Variants in PVALB observed in about 807,000 individuals in gnomAD.
PVALB encodes parvalbumin.
PVALB carries 11 observed loss-of-function variants against 10.9 expected under a neutral mutation model. That is an observed-to-expected ratio of 1.01 (90% CI 0.63 to 1.67). PVALB has a LOEUF of 1.67. Ranked by LOEUF, PVALB falls within the 40% of genes most tolerant of loss-of-function variation. PVALB has a pLI of 0.00. For missense variants in PVALB, 131 were observed against 136.2 expected (o/e 0.96, Z 0.19); for synonymous variants, 57 against 50.7 (o/e 1.12, Z -0.53).
chr22:36,804,499 T>C (rs1030818000), intron 3 of PVALB, among the ~76,000 whole-genome samples: 1 of 152,208 alleles, frequency 6.6e-6, no homozygotes, highest in Non-Finnish European at 1.5e-5. Context: ...TAGGGGACTT[T>C]GTAGATAAAT....
chr22:36,800,716 C>T lies in PVALB; in HGVS notation c.*174G>A. ...GCAAGCAGAGTCTGACTGGTACAAC[C>T]TTTATTGCTTCTCCAGCATTTTCCA... On this transcript the variant is annotated 3_prime_UTR_variant, in exon 4 of 4. Coordinates refer to ENST00000417718, the MANE Select transcript of PVALB (RefSeq NM_001315532.2). The T allele has an allele frequency of 4.0e-6, 3 of 750,610 alleles. No homozygotes were observed. The highest frequency in any genetic ancestry group is 6.9e-6 in the Non-Finnish European group (3 of 435,896). The allele number at this position is 750,610 out of a possible 1,614,324, so 46.5% of individuals were successfully genotyped here.
chr22:36,810,211 T>C (rs1436743757), intron 3 of PVALB, among the ~76,000 whole-genome samples: 1 of 152,158 alleles, frequency 6.6e-6, no homozygotes, highest in Non-Finnish European at 1.5e-5. Context: ...ACAAGGCACT[T>C]TATGGTCAGA....
intron 2 of PVALB, among the ~76,000 whole-genome samples, 164 bp from the exon 3 acceptor site, chr22:36,813,919 G>T (rs1308381473): frequency 6.6e-6 from 1 of 152,172 alleles, no homozygotes; most frequent in Non-Finnish European, 1.5e-5. Flanking sequence ...TAGCCTGCTC[G>T]GTGGCTGTGC....
chr22:36,812,020 AC>A (rs1240609801), intron 3 of PVALB, among the ~76,000 whole-genome samples: 2 of 152,016 alleles, frequency 1.3e-5, no homozygotes, highest in African/African-American at 4.8e-5. Flanking sequence ...AAAGAAATCA[AC>A]AACAACAACA....
chr22:36,816,946 G>C lies in PVALB; in HGVS notation c.60C>G (p.Ser20Arg). 6.2e-7 allele frequency: 1 copy of C among 1,605,974 alleles called. No homozygotes were observed. The highest frequency in any genetic ancestry group is 2.2e-5 in the East Asian group (1 of 44,486). Residue 20 changes from serine (S) to arginine (R), a missense_variant and splice_region_variant, in exon 1 of 4, where the codon AGC (serine) becomes AGG (arginine). Transcript: ENST00000417718. ...GGGGAGGGGAGCGCGCTTGCTCACC[G>C]CTAAAGGCTCCCACCGCCTTCTTGA... Reference protein sequence around the residue: ...EDIKKAVGAFSATDSFDHKKF... With the variant: ...EDIKKAVGAFRATDSFDHKKF...
Position 36,816,935 on chromosome 22 carries a change from G to A in PVALB, c.61+10C>T. The A allele has an allele frequency of 6.3e-7, 1 of 1,599,686 alleles. No individual in the cohort carries two copies. The highest frequency in any genetic ancestry group is 8.5e-7 in the Non-Finnish European group (1 of 1,175,516). Reference sequence around the variant, plus strand: ...GGGAGAGGGATGGGGAGGGGAGCGCGCTTGCTCACCGCTAAAGGCTCCCAC... The same window carrying A: ...GGGAGAGGGATGGGGAGGGGAGCGCACTTGCTCACCGCTAAAGGCTCCCAC... On this transcript the variant is annotated intron_variant, in intron 1 of 3. Transcript: ENST00000417718.
chr22:36,818,649 C>G (rs1285195059), upstream of PVALB: 33 of 152,440 alleles, frequency 2.2e-4, no homozygotes, highest in Admixed American at 2.2e-3. Flanking sequence ...CCTATGCTAT[C>G]ATTTCAACTC....
chr22:36,810,028 G>T (rs965515509), intron 3 of PVALB, among the ~76,000 whole-genome samples: 1 of 152,148 alleles, frequency 6.6e-6, no homozygotes, highest in Non-Finnish European at 1.5e-5. Context: ...GGGATTACAG[G>T]TGTGTGCCAC....
chr22:36,815,174 C>G lies in PVALB; in HGVS notation c.123G>C (p.Ala41=). The change falls in exon 2 of 4, where the codon GCG becomes GCC. Residue 41 remains alanine (A), a synonymous_variant. Coordinates refer to ENST00000417718, the MANE Select transcript of PVALB (RefSeq NM_001315532.2). ...FQMVGLKKKS[A]DDVKKVFHML... is the part of the protein sequence containing the mutation. ...TGTGAAACACCTTCTTCACATCATC[C>G]GCACTCTTTTTCTTCAGGCCGACCA... 6.2e-7 allele frequency: 1 copy of G among 1,614,190 alleles called. No homozygotes were observed. Among genetic ancestry groups the G allele is most frequent in the East Asian group, 2.2e-5 (1 of 44,884 alleles).
chr22:36,802,694 G>A (rs958970613), intron 3 of PVALB, among the ~76,000 whole-genome samples: 2 of 151,558 alleles, frequency 1.3e-5, no homozygotes, highest in Non-Finnish European at 2.9e-5. Flanking sequence ...TCACCTTCCT[G>A]AGGTTTGACT....
chr22:36,809,445 T>TATGAATGA (rs201467669), intron 3 of PVALB, among the ~76,000 whole-genome samples: 1 of 152,092 alleles, frequency 6.6e-6, no homozygotes, highest in Non-Finnish European at 1.5e-5. Flanking sequence ...TAAATTAAAC[T>TATGAATGA]ATGAATGAAT....
rs181134752 is a variant in PVALB at position 36,814,156 on chromosome 22, C to T, written c.195-401G>A. ...AGAGAGACCACACAGTGTGATGGGC[C>T]GTGGAGGAGGGCACTCAGAAGCTGT... On this transcript the variant is annotated intron_variant, in intron 2 of 3. Transcript: ENST00000417718. Among the ~76,000 whole-genome samples, 5 of 152,058 alleles carry T rather than the reference C, an allele frequency of 3.3e-5. No homozygotes were observed. The East Asian group carries it at 5.8e-4, about 18-fold the overall frequency.
At chr22:36,813,866 A>C (rs963143816) in intron 2 of PVALB, 111 bp from the exon 3 acceptor site, 48 of 845,402 alleles carry the variant, frequency 5.7e-5, no homozygotes, top group Non-Finnish European at 9.4e-5. Flanking sequence ...TGGCTGGGAC[A>C]GGCAGCGAGC....
chr22:36,803,426 T>C (rs1475952086), intron 3 of PVALB, among the ~76,000 whole-genome samples: 1 of 152,182 alleles, frequency 6.6e-6, no homozygotes. Context: ...CAGGGGAGCC[T>C]CTCTCTTGTT....
intron 3 of PVALB, among the ~76,000 whole-genome samples, chr22:36,810,345 T>A (rs1358469082): frequency 6.6e-6 from 1 of 152,126 alleles, no homozygotes; most frequent in Non-Finnish European, 1.5e-5. Flanking sequence ...AAACAGAACG[T>A]CCTGGGCCCC....
chr22:36,801,743 T>G (rs1938868816), intron 3 of PVALB, among the ~76,000 whole-genome samples: 1 of 152,136 alleles, frequency 6.6e-6, no homozygotes, highest in African/African-American at 2.4e-5. Flanking sequence ...GAGGTTGCAG[T>G]GAGCCAAGAT....
Position 36,813,645 on chromosome 22 carries a change from C to T in PVALB, c.304+1G>A, listed in dbSNP as rs751788894. 6.2e-7 allele frequency: 1 copy of T among 1,611,998 alleles called. No homozygotes were observed. The highest frequency in any genetic ancestry group is 2.2e-5 in the East Asian group (1 of 44,880). ...CCAGACCCCAGGTCACGGCTACCCA[C>T]CGTCAACCCCAATTTTGCCGTCCCC... On this transcript the variant is annotated splice_donor_variant, in intron 3 of 3. Transcript: ENST00000417718. LOFTEE classifies it high-confidence loss of function.
At chr22:36,812,671 A>G (rs1328121038) in intron 3 of PVALB, among the ~76,000 whole-genome samples, 1 of 152,162 alleles carries the variant, frequency 6.6e-6, no homozygotes, top group African/African-American at 2.4e-5. Flanking sequence ...GAACCCAGAT[A>G]GCCTGGGGCC....
chr22:36,815,061 G>A lies in PVALB; in HGVS notation c.194+42C>T, dbSNP rs200668331. 142 of 1,609,804 alleles carry A rather than the reference G, an allele frequency of 8.8e-5. No homozygotes were observed. The East Asian group carries it at 1.3e-3, about 15-fold the overall frequency. ...AGAGTCCCAGCCCCCACTCCCTCTC[G>A]TGCAGCCGTGGGCTGGGCAGCCCCT... On this transcript the variant is annotated intron_variant, in intron 2 of 3. Transcript: ENST00000417718.
Sources: allele counts gnomAD v4.1 joint callset (sites outside exome capture counted in the v4.1 genomes callset), GRCh38; gene constraint gnomAD v4.1.1; transcripts MANE v1.5; gene names NCBI Gene and HGNC (gene_info 2026-07-23, HGNC 2026-07-21).